Variants in RFPL4A observed in about 807,000 individuals in gnomAD.
RFPL4A encodes ret finger protein-like 4A.
Under a neutral mutation model 8.3 loss-of-function variants are expected in RFPL4A, and 4 were observed. That is an observed-to-expected ratio of 0.48 (90% CI 0.24 to 1.10). The LOEUF is 1.10. Among genes scored for constraint, RFPL4A ranks in the 50% least tolerant of loss-of-function variants. The pLI is 0.18. For synonymous variants in RFPL4A, 43 were observed against 136.6 expected (o/e 0.31, Z 4.78); for missense variants, 111 against 358.7 (o/e 0.31, Z 5.58).
At chr19:55,757,378 A>G (rs1989191379), upstream of RFPL4A, among the ~76,000 whole-genome samples, 1 of 152,156 alleles carries the variant, frequency 6.6e-6, no homozygotes, top group African/African-American at 2.4e-5. Flanking sequence ...TATAATTAAA[A>G]AAAAAAAGAA....
rs1989334939 is a variant in RFPL4A, at chr19:55,763,405, TA to T, written c.*231del. 6.7e-6 allele frequency among the ~76,000 whole-genome samples: 1 copy of T among 150,240 alleles called. No homozygotes were observed. Among genetic ancestry groups the T allele is most frequent in the African/African-American group, 2.5e-5 (1 of 39,602 alleles). ...TATGTTTATATTTCTGTTCAATAAA[TA>T]TTTTGAAAATTCAGATTCATTTGCC... On this transcript the variant is annotated 3_prime_UTR_variant, in exon 3 of 3. Coordinates refer to ENST00000434937, the MANE Select transcript of RFPL4A (RefSeq NM_001145014.2).
At chr19:55,757,996 T>C (rs1318532808), upstream of RFPL4A, among the ~76,000 whole-genome samples, 2 of 152,248 alleles carry the variant, frequency 1.3e-5, no homozygotes, top group Admixed American at 6.5e-5. Flanking sequence ...AATGTGAGTA[T>C]ATTTTAAAAG....
At chr19:55,758,584 CTGAT>C (rs1989219858), upstream of RFPL4A, among the ~76,000 whole-genome samples, 1 of 151,442 alleles carries the variant, frequency 6.6e-6, no homozygotes, top group African/African-American at 2.4e-5. Flanking sequence ...CACTGGCTGA[CTGAT>C]TGTCTGGAAA....
rs572670584 is a variant in RFPL4A at position 55,761,038 on chromosome 19, G to A, written c.-9-754G>A. Among the ~76,000 whole-genome samples, 253 of 135,912 alleles carry A rather than the reference G, an allele frequency of 1.9e-3. 18 individuals are homozygous for A. Among genetic ancestry groups the A allele is most frequent in the African/African-American group, 6.7e-3 (249 of 37,350 alleles). 89.2% of individuals were successfully genotyped at this position (135,912 alleles called of 152,430 possible). ...TATATATTTTGGATATTAATCCATT[G>A]TCATATATATGGCTGCTTGTTTGTT... On this transcript the variant is annotated intron_variant, in intron 1 of 2. Coordinates refer to ENST00000434937, the MANE Select transcript of RFPL4A (RefSeq NM_001145014.2).
intron 1 of RFPL4A, among the ~76,000 whole-genome samples, chr19:55,761,417 T>C (rs1164904937): frequency 2.2e-5 from 3 of 137,618 alleles, no homozygotes; most frequent in Non-Finnish European, 4.9e-5. Context: ...TTTTCCCCAT[T>C]ATGTCTTCAA....
At chr19:55,757,778 G>A (rs1190618461), upstream of RFPL4A, among the ~76,000 whole-genome samples, 1 of 151,994 alleles carries the variant, frequency 6.6e-6, no homozygotes, top group Non-Finnish European at 1.5e-5. Flanking sequence ...ATTCCAGGCT[G>A]TAAGATATTT....
chr19:55,763,156 T>G lies in RFPL4A; in HGVS notation c.845T>G (p.Val282Gly). The change falls in exon 3 of 3, where the codon GTT becomes GGT. Residue 282 changes from valine to glycine, a missense_variant. Val to Gly is a moderately radical substitution (Grantham distance 109). Coordinates refer to ENST00000434937, the MANE Select transcript of RFPL4A (RefSeq NM_001145014.2). ...AATCCATCCGCTGCCAGTGCCCCAG[T>G]TTCTTCTGAGGGAAAGTAAATAAAC... ...VINPSAASAP[V>G]SSEGK is the part of the protein sequence containing the mutation. The G allele has an allele frequency of 1.3e-6, 2 of 1,536,890 alleles. No homozygotes were observed. Among genetic ancestry groups the G allele is most frequent in the South Asian group, 1.2e-5 (1 of 83,490 alleles).
chr19:55,760,472 T>C (rs564423730), intron 1 of RFPL4A, among the ~76,000 whole-genome samples: 14 of 151,618 alleles, frequency 9.2e-5, no homozygotes, highest in Non-Finnish European at 1.6e-4. Flanking sequence ...TTCGATGGCC[T>C]TCGGGGTTTC....
upstream of RFPL4A, among the ~76,000 whole-genome samples, chr19:55,757,497 A>C (rs10425527): frequency 0.3 from 46,033 of 151,642 alleles, 7,690 homozygotes; most frequent in African/African-American, 0.45. Context: ...GAGAATACAG[A>C]CCTCGCTGAC....
Position 55,759,175 on chromosome 19 carries a change from G to T in RFPL4A, c.-10G>T, listed in dbSNP as rs1277125265. The stretch of plus-strand genomic sequence containing the variant: ...CCAGGGGAGAAACTCCAGAAGGAGA[G>T]GTGAGTTCAATCTTATGGAATTCAT... On this transcript the variant is annotated splice_region_variant and 5_prime_UTR_variant, in exon 1 of 3. Coordinates refer to ENST00000434937, the MANE Select transcript of RFPL4A (RefSeq NM_001145014.2). 2 of 152,558 alleles carry T rather than the reference G, an allele frequency of 1.3e-5. No individual in the cohort carries two copies. Among genetic ancestry groups the T allele is most frequent in the African/African-American group, 2.4e-5 (1 of 41,124 alleles). The allele number at this position is 152,558 out of a possible 1,614,324, so 9.5% of individuals were successfully genotyped here. A position where few individuals can be genotyped will look rare whatever the true frequency, so the allele number is the denominator to read the frequency against.
intron 1 of RFPL4A, among the ~76,000 whole-genome samples, chr19:55,761,248 A>T (rs1175940453): frequency 2.2e-5 from 3 of 139,424 alleles, no homozygotes; most frequent in Non-Finnish European, 4.9e-5. Context: ...GCACTGTCCA[A>T]TAGAAACATA....
intron 1 of RFPL4A, among the ~76,000 whole-genome samples, chr19:55,760,698 T>C (rs1989263810): frequency 6.6e-6 from 1 of 151,634 alleles, no homozygotes; most frequent in Non-Finnish European, 1.5e-5. Context: ...CCTCCGGTTT[T>C]TTATCACCTC....
chr19:55,758,213 A>G (rs1433477961), upstream of RFPL4A, among the ~76,000 whole-genome samples: 1 of 152,296 alleles, frequency 6.6e-6, no homozygotes, highest in Non-Finnish European at 1.5e-5. Context: ...GTGTTTCTCC[A>G]TTTGCCTTCA....
chr19:55,762,214 A>G (rs1989300383), intron 2 of RFPL4A, 128 bp downstream of exon 2: 1 of 630,910 alleles, frequency 1.6e-6, no homozygotes, highest in Non-Finnish European at 2.8e-6. Context: ...TTCACAAACA[A>G]CAGCAGTTCT....
At chr19:55,757,951 A>G (rs1244705489), upstream of RFPL4A, among the ~76,000 whole-genome samples, 1 of 152,188 alleles carries the variant, frequency 6.6e-6, no homozygotes, top group African/African-American at 2.4e-5. Flanking sequence ...ACATGGGCCC[A>G]TAAAATTACA....
At position 55,761,996 on chromosome 19, in the gene RFPL4A, A is replaced by G. The variant is rs1449463226; in HGVS notation, c.196A>G (p.Lys66Glu). ...SQKDDIKPKY[K>E]LRALVSIIKE... is the part of the protein sequence containing the mutation. ...GAAGGATGACATCAAGCCCAAGTAC[A>G]AGCTGAGGGCGCTGGTTTCCATCAT... Residue 66 changes from lysine to glutamate, a missense_variant, in exon 2 of 3, where the codon AAG becomes GAG. By Grantham distance (56) the Lys-to-Glu change is moderately conservative (BLOSUM62 1). Coordinates refer to ENST00000434937, the MANE Select transcript of RFPL4A (RefSeq NM_001145014.2). 1 of 1,513,148 alleles carries G rather than the reference A, an allele frequency of 6.6e-7. No individual in the cohort carries two copies. Among genetic ancestry groups the G allele is most frequent in the African/African-American group, 1.5e-5 (1 of 68,352 alleles). 93.7% of individuals were successfully genotyped at this position (1,513,148 alleles called of 1,614,324 possible). A position where few individuals can be genotyped will look rare whatever the true frequency, so the allele number is the denominator to read the frequency against.
rs570608564 is a variant in RFPL4A, at chr19:55,761,621, G to A, written c.-9-171G>A. ...GTATTACAGATATTAGAAGTTCAGG[G>A]CCTCGAGTCATTGACATTTGTATTC... is the stretch of plus-strand genomic sequence containing the variant. On this transcript the variant is annotated intron_variant, in intron 1 of 2. Coordinates refer to ENST00000434937, the MANE Select transcript of RFPL4A (RefSeq NM_001145014.2). 4.7e-5 allele frequency among the ~76,000 whole-genome samples: 7 copies of A among 148,706 alleles called. No homozygotes were observed. In the East Asian group the frequency reaches 1.4e-3, roughly 29 times the overall value.
At chr19:55,758,522 TAACG>T (rs1989218770), upstream of RFPL4A, among the ~76,000 whole-genome samples, 1 of 151,314 alleles carries the variant, frequency 6.6e-6, no homozygotes, top group African/African-American at 2.4e-5. Context: ...ATTGTAACAG[TAACG>T]TTTAACTTTC....
intron 1 of RFPL4A, among the ~76,000 whole-genome samples, chr19:55,759,699 A>ATTTTTTTTTTTTTTTTTTTTT: frequency 6.6e-6 from 1 of 151,432 alleles, no homozygotes; most frequent in East Asian, 2.0e-4. Flanking sequence ...TATTTCTTTA[A>ATTTTTTTTTTTTTTTTTTTTT]TTGTTTTGAG....
Sources: allele counts gnomAD v4.1 joint callset (sites outside exome capture counted in the v4.1 genomes callset), GRCh38; gene constraint gnomAD v4.1.1; transcripts MANE v1.5; gene names NCBI Gene and HGNC (gene_info 2026-07-23, HGNC 2026-07-21).